Variants in DGKB observed in about 807,000 individuals in gnomAD.
DGKB encodes 90 kDa diacylglycerol kinase.
In DGKB, 67 loss-of-function variants were observed where a neutral mutation model predicts 114.3. The observed-to-expected ratio is 0.59, with a 90% CI of 0.48 to 0.72. DGKB has a LOEUF of 0.72. Among genes scored for constraint, DGKB ranks in the 30% least tolerant of loss-of-function variants. The pLI is 0.00. For missense variants in DGKB, 907 were observed against 975.2 expected, an observed-to-expected ratio of 0.93 and a Z score of 0.93; for synonymous variants, 398 against 323.1, an observed-to-expected ratio of 1.23 and a Z score of -2.49.
intron 13 of DGKB, among the ~76,000 whole-genome samples, chr7:14,664,794 C>A (rs1817735283): frequency 6.6e-6 from 1 of 151,878 alleles, no homozygotes; most frequent in African/African-American, 2.4e-5. Flanking sequence ...TTGGATGCTT[C>A]ATCTAATTTA....
chr7:14,485,364 T>C (rs1030971051), intron 20 of DGKB, among the ~76,000 whole-genome samples: 2 of 151,360 alleles, frequency 1.3e-5, no homozygotes, highest in African/African-American at 2.4e-5. Context: ...TGCATTATGA[T>C]GCACATCTGC....
intron 23 of DGKB, among the ~76,000 whole-genome samples, chr7:14,317,410 T>G (rs1806791303): frequency 6.8e-6 from 1 of 146,540 alleles, no homozygotes; most frequent in Non-Finnish European, 1.5e-5. Flanking sequence ...CAAAATCTCC[T>G]TAAGCTGATA....
intron 9 of DGKB, 144 bp downstream of exon 9, chr7:14,693,931 C>CA: frequency 1.2e-6 from 1 of 812,786 alleles, no homozygotes; most frequent in South Asian, 1.9e-5. Flanking sequence ...TGTCAAATTG[C>CA]ACCGTGGCAT....
intron 2 of DGKB, among the ~76,000 whole-genome samples, chr7:14,832,229 C>T (rs1217164108): frequency 6.6e-6 from 1 of 151,926 alleles, no homozygotes; most frequent in Non-Finnish European, 1.5e-5. Context: ...AGGAAATAAA[C>T]AATTGATATA....
At chr7:14,389,206 G>C (rs1820918287) in intron 21 of DGKB, among the ~76,000 whole-genome samples, 1 of 152,076 alleles carries the variant, frequency 6.6e-6, no homozygotes, top group Non-Finnish European at 1.5e-5. Context: ...CATTTTCTTT[G>C]TGTGGGACCG....
intron 5 of DGKB, among the ~76,000 whole-genome samples, chr7:14,719,084 A>C (rs183281053): frequency 6.6e-6 from 1 of 152,320 alleles, no homozygotes; most frequent in Admixed American, 6.5e-5. Flanking sequence ...AAAGAAAAAA[A>C]TGTCAGTCTT....
At chr7:14,754,847 G>A (rs1231125769) in intron 3 of DGKB, among the ~76,000 whole-genome samples, 4 of 152,120 alleles carry the variant, frequency 2.6e-5, no homozygotes, top group Non-Finnish European at 4.4e-5. Flanking sequence ...CACTACAAAA[G>A]CAATGTCTTC....
chr7:14,363,023 C>G (rs763780646), intron 21 of DGKB, among the ~76,000 whole-genome samples: 1 of 152,118 alleles, frequency 6.6e-6, no homozygotes, highest in African/African-American at 2.4e-5. Flanking sequence ...CACCTTCCCC[C>G]TCTTGGAGCA....
chr7:14,388,040 C>T (rs1042637618), intron 21 of DGKB, among the ~76,000 whole-genome samples: 4 of 151,718 alleles, frequency 2.6e-5, no homozygotes, highest in East Asian at 3.9e-4. Flanking sequence ...CCACTGCGCC[C>T]GGCTAATTTT....
At chr7:14,904,360 A>T (rs1783548876), upstream of DGKB, among the ~76,000 whole-genome samples, 2 of 152,264 alleles carry the variant, frequency 1.3e-5, no homozygotes, top group East Asian at 1.9e-4. Context: ...GCCTCTGAGT[A>T]CTTTTCATAT....
chr7:14,386,483 A>G (rs539365265), intron 21 of DGKB, among the ~76,000 whole-genome samples: 2 of 152,292 alleles, frequency 1.3e-5, no homozygotes, highest in South Asian at 4.1e-4. Context: ...TAATTAAGCA[A>G]CCTCATTCAT....
intron 24 of DGKB, among the ~76,000 whole-genome samples, chr7:14,177,590 A>G (rs1016472939): frequency 6.6e-6 from 1 of 150,894 alleles, no homozygotes; most frequent in Non-Finnish European, 1.5e-5. Context: ...ATTGGGGGGA[A>G]ATTTTGGGCA....
intron 23 of DGKB, among the ~76,000 whole-genome samples, chr7:14,217,897 T>G (rs1789264893): frequency 6.6e-6 from 1 of 152,138 alleles, no homozygotes; most frequent in African/African-American, 2.4e-5. Flanking sequence ...GTCCCTCTAT[T>G]GCGTCTGAAT....
chr7:14,475,007 C>T (rs146003284), intron 21 of DGKB, among the ~76,000 whole-genome samples: 48 of 151,986 alleles, frequency 3.2e-4, no homozygotes, highest in Admixed American at 2.2e-3. Flanking sequence ...TCTTAAGCAA[C>T]GGAAAAATCA....
At chr7:14,781,208 A>G (rs1839038941) in intron 2 of DGKB, among the ~76,000 whole-genome samples, 1 of 152,226 alleles carries the variant, frequency 6.6e-6, no homozygotes, top group Admixed American at 6.5e-5. Flanking sequence ...GCCTTCAAAA[A>G]TAACAAGGGT....
intron 2 of DGKB, among the ~76,000 whole-genome samples, chr7:14,819,976 A>G (rs548478563): frequency 2.0e-4 from 30 of 152,306 alleles, no homozygotes; most frequent in African/African-American, 6.7e-4. Flanking sequence ...CCCAGCAAAC[A>G]CACAATCCAT....
chr7:14,267,227 C>G (rs1051806772), intron 23 of DGKB, among the ~76,000 whole-genome samples: 4 of 152,170 alleles, frequency 2.6e-5, no homozygotes, highest in African/African-American at 9.7e-5. Context: ...CGGCCTCCAC[C>G]TCCTATCTCA....
At chr7:14,679,458 G>T (rs1315962265) in intron 12 of DGKB, among the ~76,000 whole-genome samples, 1 of 151,964 alleles carries the variant, frequency 6.6e-6, no homozygotes, top group Non-Finnish European at 1.5e-5. Flanking sequence ...TTAAGAATCT[G>T]GTTGGTCTGA....
chr7:14,578,582 GGTAA>G (rs1799498656), intron 19 of DGKB, among the ~76,000 whole-genome samples: 1 of 152,020 alleles, frequency 6.6e-6, no homozygotes, highest in Non-Finnish European at 1.5e-5. Context: ...CCAATCCACT[GGTAA>G]GTACAATTAA....
Sources: gnomAD v4.1 joint callset for allele counts (sites outside exome capture counted in the v4.1 genomes callset) on GRCh38, gnomAD v4.1.1 for gene constraint, MANE v1.5 for transcripts, NCBI Gene and HGNC (gene_info 2026-07-23, HGNC 2026-07-21) for gene names.